LHFPL6: variants seen among roughly 807,000 people sequenced by gnomAD.
LHFPL6 encodes the protein LHFPL tetraspan subfamily member 6.
In LHFPL6, 9 loss-of-function variants were observed where a neutral mutation model predicts 20.6. The ratio of observed to expected loss-of-function variants is 0.44; its 90% CI spans 0.26 to 0.76. The LOEUF is 0.76. Among genes scored for constraint, LHFPL6 ranks in the 30% least tolerant of loss-of-function variants. LHFPL6 has a pLI of 0.20. For missense variants in LHFPL6, 218 were observed against 253.5 expected (o/e 0.86, Z 0.95); for synonymous variants, 105 against 98.7 (o/e 1.06, Z -0.38).
chr13:39,576,854 T>C (rs1053691849), intron 2 of LHFPL6, among the ~76,000 whole-genome samples: 1 of 152,200 alleles, frequency 6.6e-6, no homozygotes, highest in African/African-American at 2.4e-5. Flanking sequence ...CTTGGGCTCT[T>C]AATAATTTTT....
intron 2 of LHFPL6, among the ~76,000 whole-genome samples, chr13:39,577,983 T>A (rs1872168740): frequency 6.6e-6 from 1 of 152,138 alleles, no homozygotes; most frequent in Admixed American, 6.5e-5. Context: ...CATTTGATAA[T>A]ATTTTAAAAT....
chr13:39,427,371 A>G (rs1172493747), intron 2 of LHFPL6, among the ~76,000 whole-genome samples: 2 of 152,246 alleles, frequency 1.3e-5, no homozygotes, highest in African/African-American at 4.8e-5. Flanking sequence ...TGGAGAAAAC[A>G]TTCAGTCTTT....
rs564835733 is a variant in LHFPL6, at chr13:39,453,294, A to G, written c.386-74768T>C. On this transcript the variant is annotated intron_variant, in intron 2 of 3. Coordinates refer to ENST00000379589, the MANE Select transcript of LHFPL6 (RefSeq NM_005780.3). ...AGCAACATTTCATTGAATTTACATT[A>G]GAGCAAAAAATAAAATGAAAGGTAG... is the stretch of plus-strand genomic sequence containing the variant. Among the ~76,000 whole-genome samples the G allele has an allele frequency of 3.3e-4, 50 of 152,346 alleles. 1 individual carries two copies. In the South Asian group the frequency reaches 0.01, roughly 31 times the overall value.
At chr13:39,355,422 A>G (rs190815537) in intron 3 of LHFPL6, among the ~76,000 whole-genome samples, 5 of 152,312 alleles carry the variant, frequency 3.3e-5, no homozygotes, top group Admixed American at 3.3e-4. Context: ...AGTACCTGAT[A>G]CCACAAAAAC....
chr13:39,591,243 G>A (rs1452339380), intron 2 of LHFPL6, among the ~76,000 whole-genome samples: 1 of 152,218 alleles, frequency 6.6e-6, no homozygotes, highest in Non-Finnish European at 1.5e-5. Flanking sequence ...ACCAGAACAT[G>A]TAGCAGCAAC....
intron 2 of LHFPL6, among the ~76,000 whole-genome samples, chr13:39,414,732 C>A (rs889700887): frequency 6.6e-6 from 1 of 152,056 alleles, no homozygotes; most frequent in Admixed American, 6.5e-5. Flanking sequence ...ATGATAACAC[C>A]AATTATTTGT....
chr13:39,428,361 G>A (rs1055383889), intron 2 of LHFPL6, among the ~76,000 whole-genome samples: 8 of 152,076 alleles, frequency 5.3e-5, no homozygotes, highest in African/African-American at 1.7e-4. Context: ...TTATAGAGAA[G>A]GTATTTTACT....
intron 2 of LHFPL6, among the ~76,000 whole-genome samples, chr13:39,462,702 A>G (rs563392663): frequency 2.6e-5 from 4 of 152,338 alleles, no homozygotes; most frequent in African/African-American, 9.6e-5. Context: ...AAGCCAGGCA[A>G]GTCCAAAGCA....
chr13:39,347,080 C>CAA lies in LHFPL6; in HGVS notation c.485-3028_485-3027dup, dbSNP rs11328909. ...GGATGGCAGAATAAAACTCTGTCTCCAAAAAAAAAAAAAAAAAAAAAAGCC... is the reference window on the plus strand; with the variant it reads ...GGATGGCAGAATAAAACTCTGTCTCCAAAAAAAAAAAAAAAAAAAAAAAAGCC... On this transcript the variant is annotated intron_variant, in intron 3 of 3. Coordinates refer to ENST00000379589, the MANE Select transcript of LHFPL6 (RefSeq NM_005780.3). 2.5e-3 allele frequency among the ~76,000 whole-genome samples: 189 copies of CAA among 76,492 alleles called. 1 individual carries two copies. The highest frequency in any genetic ancestry group is 7.3e-3 in the African/African-American group (140 of 19,144). The allele number at this position is 76,492 out of a possible 152,430, so 50.2% of individuals were successfully genotyped here. A position where few individuals can be genotyped will look rare whatever the true frequency, so the allele number is the denominator to read the frequency against.
chr13:39,557,370 G>A (rs1871338114), intron 2 of LHFPL6, among the ~76,000 whole-genome samples: 1 of 152,236 alleles, frequency 6.6e-6, no homozygotes, highest in Non-Finnish European at 1.5e-5. Context: ...AGCGAAGGGG[G>A]CTTGGTGGCT....
intron 2 of LHFPL6, among the ~76,000 whole-genome samples, chr13:39,433,452 C>T (rs952546112): frequency 5.9e-5 from 9 of 152,078 alleles, no homozygotes; most frequent in Admixed American, 5.9e-4. Context: ...CACACATAAT[C>T]CTTTGATGAT....
chr13:39,559,887 AAC>A (rs1871418292), intron 2 of LHFPL6, among the ~76,000 whole-genome samples: 1 of 152,218 alleles, frequency 6.6e-6, no homozygotes, highest in Non-Finnish European at 1.5e-5. Context: ...CTAAAGAGAA[AAC>A]ATTTATTTGT....
intron 2 of LHFPL6, among the ~76,000 whole-genome samples, chr13:39,488,916 T>C (rs1868816959): frequency 6.6e-6 from 1 of 152,212 alleles, no homozygotes; most frequent in Non-Finnish European, 1.5e-5. Context: ...AGATTCTATC[T>C]CCTTCATCAT....
chr13:39,381,213 T>A (rs2138362153), intron 2 of LHFPL6, among the ~76,000 whole-genome samples: 1 of 152,286 alleles, frequency 6.6e-6, no homozygotes, highest in Admixed American at 6.5e-5. Context: ...TATTTGCTAA[T>A]GTTCATTACG....
chr13:39,392,570 G>A (rs562540854), intron 2 of LHFPL6, among the ~76,000 whole-genome samples: 2 of 151,898 alleles, frequency 1.3e-5, no homozygotes, highest in African/African-American at 4.8e-5. Context: ...CTCCAGCCTG[G>A]GCAACAAGAG....
intron 2 of LHFPL6, among the ~76,000 whole-genome samples, chr13:39,399,416 T>C (rs1272554276): frequency 6.6e-6 from 1 of 152,218 alleles, no homozygotes; most frequent in Non-Finnish European, 1.5e-5. Context: ...GTATTTTAAT[T>C]AGCATTTATT....
chr13:39,558,171 T>G (rs1303757181), intron 2 of LHFPL6, among the ~76,000 whole-genome samples: 1 of 152,194 alleles, frequency 6.6e-6, no homozygotes, highest in East Asian at 1.9e-4. Context: ...CTGTGAATAT[T>G]AAAATATTAC....
At chr13:39,495,270 GT>G in intron 2 of LHFPL6, among the ~76,000 whole-genome samples, 1 of 152,234 alleles carries the variant, frequency 6.6e-6, no homozygotes, top group Admixed American at 6.5e-5. Context: ...AGATTTCAGG[GT>G]ACTGGTCTTT....
intron 3 of LHFPL6, among the ~76,000 whole-genome samples, chr13:39,370,827 T>A (rs148694543): frequency 6.6e-6 from 1 of 152,210 alleles, no homozygotes; most frequent in East Asian, 1.9e-4. Context: ...CAGAGACCAA[T>A]AGCAGGTTCT....
Sources: gnomAD v4.1 joint callset for allele counts (sites outside exome capture counted in the v4.1 genomes callset) on GRCh38, gnomAD v4.1.1 for gene constraint, MANE v1.5 for transcripts, NCBI Gene and HGNC (gene_info 2026-07-23, HGNC 2026-07-21) for gene names.